The following TCERG1L variants were observed in gnomAD, a reference collection of about 807,000 sequenced individuals.
TCERG1L encodes the protein transcription elongation regulator 1-like protein.
In TCERG1L, 37 loss-of-function variants were observed where a neutral mutation model predicts 56.3. That is an observed-to-expected ratio of 0.66 (90% confidence interval 0.51 to 0.87). The LOEUF is 0.87. TCERG1L is among the 40% of genes least tolerant of loss of function. TCERG1L has a pLI of 0.00. For missense variants in TCERG1L, 799 were observed against 774.2 expected (o/e 1.03, Z -0.38); for synonymous variants, 324 against 326.3 (o/e 0.99, Z 0.08).
chr10:131,185,590 T>A (rs1313432096), intron 4 of TCERG1L, among the ~76,000 whole-genome samples: 1 of 152,138 alleles, frequency 6.6e-6, no homozygotes, highest in Non-Finnish European at 1.5e-5. Flanking sequence ...ACTCAAATCA[T>A]CATTTTGCCA....
Position 131,110,825 on chromosome 10 carries a change from G to A in TCERG1L, c.1395+5974C>T, listed in dbSNP as rs926804691. On this transcript the variant is annotated intron_variant, in intron 9 of 11. Transcript: ENST00000368642. ...ATTCAAGTAAAGTGGCTGAGAGCTCGAGGATGGCTCAGCCACATGTGGGAC... is the reference window on the plus strand; with the variant it reads ...ATTCAAGTAAAGTGGCTGAGAGCTCAAGGATGGCTCAGCCACATGTGGGAC... 2.8e-5 allele frequency among the ~76,000 whole-genome samples: 4 copies of A among 144,266 alleles called. 1 individual carries two copies. Among genetic ancestry groups the A allele is most frequent in the South Asian group, 4.9e-4 (2 of 4,076 alleles). The allele number at this position is 144,266 out of a possible 152,430, so 94.6% of individuals were successfully genotyped here.
chr10:131,120,090 T>C (rs1845498366), intron 8 of TCERG1L, among the ~76,000 whole-genome samples: 1 of 152,116 alleles, frequency 6.6e-6, no homozygotes, highest in Non-Finnish European at 1.5e-5. Context: ...GCAGGGGTGC[T>C]CTCTTCTCCC....
At chr10:131,143,651 G>A (rs114268385) in intron 7 of TCERG1L, among the ~76,000 whole-genome samples, 6,672 of 152,252 alleles carry the variant, frequency 0.044, 177 homozygotes, top group Middle Eastern at 0.15. Context: ...AGAGAACCAC[G>A]CCTCTGACAG....
At chr10:131,101,149 G>T (rs949154053) in intron 10 of TCERG1L, among the ~76,000 whole-genome samples, 2 of 152,206 alleles carry the variant, frequency 1.3e-5, no homozygotes, top group African/African-American at 4.8e-5. Context: ...ACTCCATCAG[G>T]GTTGGCATCT....
intron 3 of TCERG1L, among the ~76,000 whole-genome samples, chr10:131,304,622 T>C (rs552561268): frequency 6.6e-6 from 1 of 152,210 alleles, no homozygotes; most frequent in East Asian, 1.9e-4. Context: ...TCCTAGATAA[T>C]TTCTCCATTC....
intron 4 of TCERG1L, among the ~76,000 whole-genome samples, chr10:131,234,045 C>A (rs1388111068): frequency 9.2e-5 from 14 of 152,204 alleles, no homozygotes; most frequent in Admixed American, 8.5e-4. Flanking sequence ...AGCAGGAAAG[C>A]CCTGGCCAGA....
chr10:131,095,275 C>T (rs1431630517), intron 11 of TCERG1L: 1 of 155,500 alleles, frequency 6.4e-6, no homozygotes, highest in Non-Finnish European at 1.4e-5. Context: ...GCGGCCAACC[C>T]CACCTGGCTA....
intron 4 of TCERG1L, among the ~76,000 whole-genome samples, chr10:131,170,061 A>T (rs1036801482): frequency 6.6e-6 from 1 of 151,982 alleles, no homozygotes. Context: ...ACAGACACAC[A>T]CCCCGGAATA....
chr10:131,113,923 TTAAAC>T (rs1471332745), intron 9 of TCERG1L, among the ~76,000 whole-genome samples: 1 of 142,706 alleles, frequency 7.0e-6, no homozygotes, highest in Non-Finnish European at 1.6e-5. Context: ...TGCTGTTCAA[TTAAAC>T]TTGCTCCTGA....
chr10:131,105,907 T>C (rs2133382867), intron 9 of TCERG1L, among the ~76,000 whole-genome samples: 1 of 152,348 alleles, frequency 6.6e-6, no homozygotes, highest in East Asian at 1.9e-4. Context: ...CCTGTGTGCC[T>C]CTGACAGGTG....
At chr10:131,132,181 G>A (rs571430409) in intron 8 of TCERG1L, among the ~76,000 whole-genome samples, 21 of 152,298 alleles carry the variant, frequency 1.4e-4, no homozygotes, top group Non-Finnish European at 2.6e-4. Context: ...TGCGCAGGAC[G>A]GGATGGGCGT....
chr10:131,197,860 G>A (rs1204931619), intron 4 of TCERG1L, among the ~76,000 whole-genome samples: 3 of 152,080 alleles, frequency 2.0e-5, no homozygotes, highest in Non-Finnish European at 4.4e-5. Flanking sequence ...TCACATAATC[G>A]AGGAAATTGG....
At chr10:131,282,982 G>C (rs1392403072) in intron 3 of TCERG1L, among the ~76,000 whole-genome samples, 2 of 152,182 alleles carry the variant, frequency 1.3e-5, no homozygotes, top group Non-Finnish European at 2.9e-5. Context: ...AATTCAGTAG[G>C]AATCTATTGA....
At chr10:131,159,495 C>T (rs1845955663) in intron 6 of TCERG1L, among the ~76,000 whole-genome samples, 1 of 152,152 alleles carries the variant, frequency 6.6e-6, no homozygotes, top group African/African-American at 2.4e-5. Context: ...CCTTTCTAAG[C>T]ATGGGTTGTT....
chr10:131,139,580 T>A (rs1213882230), intron 7 of TCERG1L, among the ~76,000 whole-genome samples: 1 of 152,222 alleles, frequency 6.6e-6, no homozygotes, highest in Non-Finnish European at 1.5e-5. Context: ...CAGCAGCATG[T>A]CAATCTCTAA....
chr10:131,186,637 A>G (rs1321152995), intron 4 of TCERG1L, among the ~76,000 whole-genome samples: 1 of 152,132 alleles, frequency 6.6e-6, no homozygotes, highest in Non-Finnish European at 1.5e-5. Context: ...AAGGATGGGG[A>G]GAGGATGCAG....
At chr10:131,218,417 C>A (rs138334543) in intron 4 of TCERG1L, among the ~76,000 whole-genome samples, 114 of 152,336 alleles carry the variant, frequency 7.5e-4, no homozygotes, top group African/African-American at 2.7e-3. Context: ...GACCTCACTG[C>A]ATGTTGATTC....
chr10:131,159,973 G>T (rs1455221605), intron 6 of TCERG1L, among the ~76,000 whole-genome samples: 1 of 152,156 alleles, frequency 6.6e-6, no homozygotes, highest in African/African-American at 2.4e-5. Context: ...GATTCCAACA[G>T]CTGCTCAAAC....
chr10:131,100,296 T>G (rs1009219529), intron 10 of TCERG1L, among the ~76,000 whole-genome samples: 10 of 152,088 alleles, frequency 6.6e-5, no homozygotes, highest in African/African-American at 9.7e-5. Flanking sequence ...TTAGCTAGAG[T>G]TTTGCTCTAT....
Sources: allele counts gnomAD v4.1 joint callset (sites outside exome capture counted in the v4.1 genomes callset), GRCh38; gene constraint gnomAD v4.1.1; transcripts MANE v1.5; gene names NCBI Gene and HGNC (gene_info 2026-07-23, HGNC 2026-07-21).